LRCH2: variants seen among roughly 807,000 people sequenced by gnomAD.
LRCH2 encodes the protein leucine rich repeats and calponin homology domain containing 2.
In LRCH2, 38 loss-of-function variants were observed where a neutral mutation model predicts 68.9. The observed-to-expected ratio is 0.55, with a 90% CI of 0.43 to 0.72. LRCH2 has a LOEUF of 0.72. Ranked by LOEUF, LRCH2 falls within the 30% of genes least tolerant of loss-of-function variation. LRCH2 has a pLI of 0.00. For synonymous variants in LRCH2, 191 were observed against 208.1 expected (o/e 0.92, Z 0.71); for missense variants, 528 against 572.9 (o/e 0.92, Z 0.80).
intron 20 of LRCH2, among the ~76,000 whole-genome samples, chrX:115,119,517 AGAG>A (rs2072116093): frequency 1.4e-5 from 1 of 72,847 alleles, no homozygotes; most frequent in African/African-American, 5.5e-5. Flanking sequence ...AGGAAATAAA[AGAG>A]GATACAAACA....
At chrX:115,227,354 C>T (rs1489589627) in intron 1 of LRCH2, among the ~76,000 whole-genome samples, 1 of 108,592 alleles carries the variant, frequency 9.2e-6, no homozygotes, top group African/African-American at 3.4e-5. Context: ...ACCTCTCCAA[C>T]CCTACCCTTC....
At chrX:115,213,631 A>G (rs971542079) in intron 1 of LRCH2, among the ~76,000 whole-genome samples, 1 of 112,097 alleles carries the variant, frequency 8.9e-6, no homozygotes. Context: ...AGAATGCAAA[A>G]AGAATCACCT....
At chrX:115,203,031 G>A (rs782680055) in intron 1 of LRCH2, among the ~76,000 whole-genome samples, 1 of 111,902 alleles carries the variant, frequency 8.9e-6, no homozygotes, top group African/African-American at 3.3e-5. Flanking sequence ...CAGAAACTGA[G>A]TAATTTATAA....
chrX:115,160,282 C>T (rs2072509266), intron 11 of LRCH2, among the ~76,000 whole-genome samples: 1 of 110,701 alleles, frequency 9.0e-6, no homozygotes, highest in South Asian at 3.8e-4. Context: ...CACCACTGCA[C>T]TCCAGCCTGG....
chrX:115,233,721 G>A lies in LRCH2; in HGVS notation c.321C>T (p.Gly107=), dbSNP rs782401070. The A allele has an allele frequency of 3.8e-5, 45 of 1,172,740 alleles. No homozygotes were observed. The highest frequency in any genetic ancestry group is 3.4e-5 in the Non-Finnish European group (30 of 875,368). The change falls in exon 1 of 21, where the codon GGC becomes GGT. Residue 107 remains glycine (G), a synonymous_variant. Transcript: ENST00000317135. The part of the protein sequence containing the change: ...GRKLRDFPGS[G]YDLTDTTQAD... ...CTTGGGTGGTGTCCGTCAGGTCGTAGCCGCTGCCCGGGAAGTCTCGGAGTT... is the reference window on the plus strand; with the variant it reads ...CTTGGGTGGTGTCCGTCAGGTCGTAACCGCTGCCCGGGAAGTCTCGGAGTT...
intron 20 of LRCH2, among the ~76,000 whole-genome samples, chrX:115,118,785 C>A (rs2072107747): frequency 9.0e-6 from 1 of 110,524 alleles, no homozygotes; most frequent in Non-Finnish European, 1.9e-5. Flanking sequence ...TACTGGCAAA[C>A]TGAATCCAGC....
At chrX:115,159,849 G>A (rs2072504578) in intron 11 of LRCH2, among the ~76,000 whole-genome samples, 1 of 110,578 alleles carries the variant, frequency 9.0e-6, no homozygotes, top group Admixed American at 9.7e-5. Flanking sequence ...TAAACAACTA[G>A]GCTTCAGACT....
rs1411601879 is a variant in LRCH2, at chrX:115,233,855, C to T, written c.187G>A (p.Gly63Arg). 7 of 1,164,739 alleles carry T rather than the reference C, an allele frequency of 6.0e-6. No individual in the cohort carries two copies. The highest frequency in any genetic ancestry group is 6.9e-6 in the Non-Finnish European group (6 of 872,378). The change falls in exon 1 of 21, where the codon GGG (glycine) becomes AGG (arginine). Residue 63 changes from glycine (G) to arginine (R), a missense_variant. Gly to Arg is a moderately radical substitution (Grantham distance 125). Transcript: ENST00000317135. ...PTLFGQPFPNGPPWNPGSLQP... is the reference protein window; with the variant it reads ...PTLFGQPFPNRPPWNPGSLQP... ...AGGCTCCCCGGGTTCCACGGCGGCC[C>T]GTTGGGGAACGGCTGACCGAAAAGA...
chrX:115,192,333 C>T lies in LRCH2; in HGVS notation c.350-3963G>A, dbSNP rs1194745381. On this transcript the variant is annotated intron_variant, in intron 1 of 20. Transcript: ENST00000317135. ...CGCCTGACGCCCACAGTGGGGGCCGCGACAGTTCCATCAAGAGTTACGGCC... is the reference window on the plus strand; with the variant it reads ...CGCCTGACGCCCACAGTGGGGGCCGTGACAGTTCCATCAAGAGTTACGGCC... 11 of 1,079,920 alleles carry T rather than the reference C, an allele frequency of 1.0e-5. No individual in the cohort carries two copies. The Admixed American group carries it at 1.7e-4, about 17-fold the overall frequency. 89.0% of individuals were successfully genotyped at this position (1,079,920 alleles called of 1,213,427 possible).
intron 1 of LRCH2, chrX:115,191,633 G>A (rs782725769): frequency 1.7e-6 from 2 of 1,158,299 alleles, no homozygotes; most frequent in African/African-American, 1.8e-5. Context: ...TACAGCCGGG[G>A]CCACGACAGT....
chrX:115,120,977 C>T (rs1417775744), intron 20 of LRCH2, among the ~76,000 whole-genome samples: 1 of 99,682 alleles, frequency 1.0e-5, no homozygotes, highest in African/African-American at 3.7e-5. Flanking sequence ...ACAATGAGAA[C>T]ACATGGACAC....
chrX:115,221,179 C>CAA (rs1166166479), intron 1 of LRCH2, among the ~76,000 whole-genome samples: 3 of 68,897 alleles, frequency 4.4e-5, no homozygotes, highest in African/African-American at 2.1e-4. Context: ...TCCATCTTAA[C>CAA]AAAAAAAAAA....
intron 1 of LRCH2, among the ~76,000 whole-genome samples, chrX:115,227,289 C>T: frequency 9.6e-6 from 1 of 104,111 alleles, no homozygotes. Context: ...AAGGCCTTGT[C>T]TCTTAAAAAA....
chrX:115,171,504 C>T (rs1295390587), intron 5 of LRCH2, among the ~76,000 whole-genome samples: 9 of 110,475 alleles, frequency 8.1e-5, no homozygotes, highest in Non-Finnish European at 1.3e-4. Context: ...TTCTATTATA[C>T]GTCCAAACTA....
chrX:115,197,650 G>C (rs2072897388), intron 1 of LRCH2, among the ~76,000 whole-genome samples: 1 of 109,143 alleles, frequency 9.2e-6, no homozygotes, highest in African/African-American at 3.3e-5. Flanking sequence ...TACTCAGGAA[G>C]CTGAGGCAGG....
intron 1 of LRCH2, chrX:115,189,452 C>A: frequency 1.7e-6 from 2 of 1,169,970 alleles, no homozygotes; most frequent in Non-Finnish European, 2.3e-6. Flanking sequence ...ATGATGGAAG[C>A]GGATCGCCCA....
At position 115,189,716 on chromosome X, in the gene LRCH2, G is replaced by A. The variant is rs947988451; in HGVS notation, c.350-1346C>T. 68 of 1,166,472 alleles carry A rather than the reference G, an allele frequency of 5.8e-5. No individual in the cohort carries two copies. Among genetic ancestry groups the A allele is most frequent in the Admixed American group, 1.8e-4 (7 of 38,770 alleles). ...ACCATCAAACCGGCATTCAAGAGCA[G>A]CCGATGGGTCCCGCCAACCCCCGGC... is the stretch of plus-strand genomic sequence containing the variant. On this transcript the variant is annotated intron_variant, in intron 1 of 20. Coordinates refer to ENST00000317135, the MANE Select transcript of LRCH2 (RefSeq NM_020871.4).
At chrX:115,172,752 A>ATT (rs35680669) in intron 5 of LRCH2, among the ~76,000 whole-genome samples, 1,524 of 82,603 alleles carry the variant, frequency 0.018, 45 homozygotes, top group South Asian at 0.03. Context: ...CTTACTTTCT[A>ATT]TTTTTTTTTT....
At chrX:115,189,806 CCT>C (rs782579302) in intron 1 of LRCH2, 2 of 1,167,415 alleles carry the variant, frequency 1.7e-6, no homozygotes, top group Non-Finnish European at 2.3e-6. Flanking sequence ...CAGCGACCCC[CCT>C]CTCAGGGCAG....
Sources: gnomAD v4.1 joint callset for allele counts (sites outside exome capture counted in the v4.1 genomes callset) on GRCh38, gnomAD v4.1.1 for gene constraint, MANE v1.5 for transcripts, NCBI Gene and HGNC (gene_info 2026-07-23, HGNC 2026-07-21) for gene names.